Variants in FARP1 observed in about 807,000 individuals in gnomAD.
FARP1 encodes the protein FERM, ARHGEF and pleckstrin domain-containing protein 1.
Under a neutral mutation model 128.8 loss-of-function variants are expected in FARP1, and 52 were observed. That is an observed-to-expected ratio of 0.40 (90% CI 0.32 to 0.51). FARP1 has a LOEUF of 0.51. Among genes scored for constraint, FARP1 ranks in the 20% least tolerant of loss-of-function variants. The pLI is 0.45. For synonymous variants in FARP1, 580 were observed against 551.8 expected, an observed-to-expected ratio of 1.05 and a Z score of -0.72; for missense variants, 1,333 against 1,367.9, an observed-to-expected ratio of 0.97 and a Z score of 0.40.
chr13:98,161,566 G>A (rs1161683980), intron 1 of FARP1, among the ~76,000 whole-genome samples: 1 of 152,034 alleles, frequency 6.6e-6, no homozygotes, highest in Non-Finnish European at 1.5e-5. Flanking sequence ...GTCTCTTGAG[G>A]TCATTTCCTG....
intron 2 of FARP1, among the ~76,000 whole-genome samples, chr13:98,333,436 T>TACACACACACACACACACACAC (rs60264788): frequency 7.2e-6 from 1 of 139,664 alleles, no homozygotes; most frequent in African/African-American, 2.7e-5. Flanking sequence ...CCCCCACATG[T>TACACACACACACACACACACAC]ACACACACAC....
At chr13:98,241,511 G>A (rs750621005) in intron 2 of FARP1, among the ~76,000 whole-genome samples, 2 of 152,174 alleles carry the variant, frequency 1.3e-5, no homozygotes, top group Non-Finnish European at 2.9e-5. Flanking sequence ...CAGGCATGGT[G>A]GCTCATGCCT....
At chr13:98,427,794 G>A (rs1891844200) in intron 17 of FARP1, among the ~76,000 whole-genome samples, 1 of 152,234 alleles carries the variant, frequency 6.6e-6, no homozygotes, top group African/African-American at 2.4e-5. Flanking sequence ...CATCTCAGGA[G>A]TGTGCTGATG....
chr13:98,371,218 G>C (rs868844190), intron 5 of FARP1, among the ~76,000 whole-genome samples: 1 of 124,710 alleles, frequency 8.0e-6, no homozygotes, highest in African/African-American at 3.1e-5. Context: ...CCCGCCCCCC[G>C]TTTTTTTTTT....
Position 98,439,103 on chromosome 13 carries a change from C to G in FARP1, c.2344-4C>G, listed in dbSNP as rs776584502. On this transcript the variant is annotated splice_polypyrimidine_tract_variant and splice_region_variant and intron_variant, in intron 20 of 26. Transcript: ENST00000319562. ...TCACCTCCACACACTTCTGATTCCT[C>G]CAGTTCAACGACGTCCTGCTATACA... 1.2e-6 allele frequency: 2 copies of G among 1,611,996 alleles called. No homozygotes were observed. The highest frequency in any genetic ancestry group is 2.7e-5 in the African/African-American group (2 of 74,904).
chr13:98,445,489 G>A (rs978681678), intron 24 of FARP1: 3 of 152,268 alleles, frequency 2.0e-5, no homozygotes, highest in Non-Finnish European at 4.4e-5. Flanking sequence ...AGGTGGGCAG[G>A]GCTGCAACTG....
intron 2 of FARP1, among the ~76,000 whole-genome samples, chr13:98,252,515 A>G (rs1366056182): frequency 1.3e-5 from 2 of 152,236 alleles, no homozygotes; most frequent in Non-Finnish European, 2.9e-5. Context: ...CAAGCCAACA[A>G]TGGCCCAGCT....
At chr13:98,298,409 A>G (rs1885791825) in intron 2 of FARP1, among the ~76,000 whole-genome samples, 1 of 152,208 alleles carries the variant, frequency 6.6e-6, no homozygotes, top group Admixed American at 6.5e-5. Context: ...ACTTACTAGC[A>G]TAGAAGACAG....
At chr13:98,391,529 C>T (rs1890305838) in intron 11 of FARP1, among the ~76,000 whole-genome samples, 1 of 152,190 alleles carries the variant, frequency 6.6e-6, no homozygotes, top group Non-Finnish European at 1.5e-5. Context: ...CCTTGGCCTC[C>T]CAAAGTGCTG....
At chr13:98,215,815 G>A (rs1395421250) in intron 2 of FARP1, among the ~76,000 whole-genome samples, 6 of 150,180 alleles carry the variant, frequency 4.0e-5, no homozygotes, top group South Asian at 2.1e-4. Context: ...TTTTTGAGAC[G>A]GAGTCTTGCT....
chr13:98,353,187 C>T (rs1888506944), intron 3 of FARP1, among the ~76,000 whole-genome samples: 1 of 151,962 alleles, frequency 6.6e-6, no homozygotes, highest in Non-Finnish European at 1.5e-5. Flanking sequence ...AAAGATGCAC[C>T]ATGTGGCAAA....
chr13:98,158,813 G>A (rs1876667906), intron 1 of FARP1, among the ~76,000 whole-genome samples: 1 of 152,124 alleles, frequency 6.6e-6, no homozygotes. Context: ...AGAAAATTCT[G>A]AGAAATGCAG....
chr13:98,148,077 T>A (rs1875703261), intron 1 of FARP1, among the ~76,000 whole-genome samples: 1 of 26,208 alleles, frequency 3.8e-5, no homozygotes, highest in Non-Finnish European at 5.1e-4. Context: ...AGACAGAGGT[T>A]CCTTTTCAAA....
At position 98,169,325 on chromosome 13, in the gene FARP1, G is replaced by A. The variant is rs113336108; in HGVS notation, c.-24+25833G>A. ...TTGGACACGCTCTTTTCTGGATTCC[G>A]TATCATCTCATTTCATGATTTACTG... On this transcript the variant is annotated intron_variant, in intron 1 of 26. Coordinates refer to ENST00000319562, the MANE Select transcript of FARP1 (RefSeq NM_005766.4). 3.3e-3 allele frequency among the ~76,000 whole-genome samples: 499 copies of A among 152,198 alleles called. 2 individuals are homozygous for A. Among genetic ancestry groups the A allele is most frequent in the African/African-American group, 0.011 (449 of 41,518 alleles).
rs369691299 is a variant in FARP1 at position 98,263,858 on chromosome 13, T to TC, written c.171+50453dup. Among the ~76,000 whole-genome samples, 455 of 151,580 alleles carry TC rather than the reference T, an allele frequency of 3.0e-3. 3 individuals carry two copies. Among genetic ancestry groups the TC allele is most frequent in the African/African-American group, 9.8e-3 (406 of 41,344 alleles). On this transcript the variant is annotated intron_variant, in intron 2 of 26. Coordinates refer to ENST00000319562, the MANE Select transcript of FARP1 (RefSeq NM_005766.4). ...TCCTTTTCCCATTTATTTTTAGTGC[T>TC]CCCCCCCCAACAACATTTTATTAGT... is the stretch of plus-strand genomic sequence containing the variant.
Position 98,358,926 on chromosome 13 carries a change from C to T in FARP1, c.277-6469C>T, listed in dbSNP as rs369891246. Among the ~76,000 whole-genome samples, 7 of 152,276 alleles carry T rather than the reference C, an allele frequency of 4.6e-5. No individual in the cohort carries two copies. In the East Asian group the frequency reaches 7.7e-4, roughly 17 times the overall value. On this transcript the variant is annotated intron_variant, in intron 3 of 26. Transcript: ENST00000319562. ...TGCTGGAATTACAGACGTGAGGCAC[C>T]GCGCACGGCTCTTTCTTTTTCTTTT...
Position 98,449,261 on chromosome 13 carries a change from C to T in FARP1, c.*944C>T, listed in dbSNP as rs536203537. The T allele has an allele frequency of 1.3e-5, 2 of 152,358 alleles. No individual in the cohort carries two copies. The highest frequency in any genetic ancestry group is 3.9e-4 in the East Asian group (2 of 5,188). 9.4% of individuals were successfully genotyped at this position (152,358 alleles called of 1,614,324 possible). On this transcript the variant is annotated 3_prime_UTR_variant, in exon 27 of 27. Transcript: ENST00000319562. ...GCACCTGTCGTTATTCCTATATCCT[C>T]CTGCAACTGTGGTTTGAAACTGCGC...
chr13:98,235,906 C>T (rs1882386501), intron 2 of FARP1, among the ~76,000 whole-genome samples: 1 of 148,352 alleles, frequency 6.7e-6, no homozygotes. Flanking sequence ...TCACGGCAAC[C>T]TCCGCCTCCT....
rs1286859665 is a variant in FARP1 at position 98,452,626 on chromosome 13, T to C, written c.*4309T>C. On this transcript the variant is annotated 3_prime_UTR_variant, in exon 27 of 27. Transcript: ENST00000319562. ...AAGGCAAGGCAATAGACTCAAGTTA[T>C]GGCCTGTCGAATATTTACTCCACTG... 1 of 152,834 alleles carries C rather than the reference T, an allele frequency of 6.5e-6. No homozygotes were observed. The highest frequency in any genetic ancestry group is 1.5e-5 in the Non-Finnish European group (1 of 68,180). The allele number at this position is 152,834 out of a possible 1,614,324, so 9.5% of individuals were successfully genotyped here. A position where few individuals can be genotyped will look rare whatever the true frequency, so the allele number is the denominator to read the frequency against.
Sources: allele counts gnomAD v4.1 joint callset (sites outside exome capture counted in the v4.1 genomes callset), GRCh38; gene constraint gnomAD v4.1.1; transcripts MANE v1.5; gene names NCBI Gene and HGNC (gene_info 2026-07-23, HGNC 2026-07-21).